The following PRDX4 variants were observed in gnomAD, a reference collection of about 807,000 sequenced individuals.
PRDX4 encodes the protein peroxiredoxin-4.
In PRDX4, 12 loss-of-function variants were observed where a neutral mutation model predicts 20.5. That is an observed-to-expected ratio of 0.58 (90% CI 0.37 to 0.95). The LOEUF is 0.95. Among genes scored for constraint, PRDX4 ranks in the 40% least tolerant of loss-of-function variants. The pLI is 0.01. For synonymous variants in PRDX4, 99 were observed against 87.5 expected, an observed-to-expected ratio of 1.13 and a Z score of -0.73; for missense variants, 180 against 207.3, an observed-to-expected ratio of 0.87 and a Z score of 0.81.
intron 6 of PRDX4, among the ~76,000 whole-genome samples, chrX:23,685,678 C>G (rs1343298144): frequency 9.6e-6 from 1 of 104,364 alleles, no homozygotes; most frequent in East Asian, 3.0e-4. Flanking sequence ...TAGCAAATAA[C>G]ATAATGTGAG....
At chrX:23,677,235 G>A (rs187208123) in intron 3 of PRDX4, among the ~76,000 whole-genome samples, 17 of 111,418 alleles carry the variant, frequency 1.5e-4, no homozygotes, top group African/African-American at 4.9e-4. Context: ...TGGGGCTCCA[G>A]ATATCTAGAG....
intron 4 of PRDX4, among the ~76,000 whole-genome samples, chrX:23,681,990 G>A (rs749900810): frequency 1.8e-5 from 2 of 112,170 alleles, no homozygotes; most frequent in South Asian, 3.7e-4. Flanking sequence ...GCAGTGAGCC[G>A]AGATCATGCC....
intron 1 of PRDX4, 95 bp downstream of exon 1, chrX:23,667,906 TG>T: frequency 8.8e-7 from 1 of 1,136,471 alleles, no homozygotes; most frequent in African/African-American, 1.8e-5. Flanking sequence ...CGGCACCCCC[TG>T]GGCTGCCTCC....
intron 5 of PRDX4, 82 bp downstream of exon 5, chrX:23,682,608 A>C (rs1406455674): frequency 1.3e-6 from 1 of 796,868 alleles, no homozygotes; most frequent in African/African-American, 2.2e-5. Context: ...AAAGTAATCG[A>C]TATTTCCAAA....
At chrX:23,668,309 T>G (rs766161704) in intron 1 of PRDX4, among the ~76,000 whole-genome samples, 8 of 112,529 alleles carry the variant, frequency 7.1e-5, no homozygotes, top group Non-Finnish European at 1.1e-4. Context: ...ACAAAGATTA[T>G]TACTGAAAGC....
Position 23,667,799 on chromosome X carries a change from A to C in PRDX4, c.229A>C (p.Ser77Arg). The C allele has an allele frequency of 8.3e-7, 1 of 1,210,932 alleles. No individual in the cohort carries two copies. The part of the protein sequence containing the change: ...VSVADHSLHL[S>R]KAKISKPAPY... The stretch of plus-strand genomic sequence containing the variant: ...GGTCGCCGACCACTCCCTGCACCTA[A>C]GCAAAGCGAAGAGTAGGTGGTGTCC... The change falls in exon 1 of 7, where the codon AGC becomes CGC. Residue 77 changes from serine to arginine, a missense_variant. This residue lies in a region of PRDX4 where 105 missense variants were observed against 114.2 expected (regional missense o/e 0.92). Transcript: ENST00000379341.
chrX:23,668,865 T>C (rs1335456248), intron 1 of PRDX4, among the ~76,000 whole-genome samples: 5 of 111,189 alleles, frequency 4.5e-5, no homozygotes, highest in African/African-American at 1.6e-4. Flanking sequence ...TCTTAAACAT[T>C]TACAGTTCTT....
intron 4 of PRDX4, among the ~76,000 whole-genome samples, chrX:23,680,003 G>GAAAT (rs967720875): frequency 8.9e-6 from 1 of 112,189 alleles, no homozygotes; most frequent in Non-Finnish European, 1.9e-5. Flanking sequence ...AAGAAAGAAA[G>GAAAT]AAAAATGTTA....
chrX:23,686,197 T>G, intron 6 of PRDX4, 88 bp from the exon 7 acceptor site: 1 of 670,728 alleles, frequency 1.5e-6, no homozygotes, highest in Non-Finnish European at 2.2e-6. Context: ...TAATTTTTAG[T>G]CAAGGCATGG....
In PRDX4 at chrX:23,679,214, C is replaced by G. The variant is rs1424323616; in HGVS notation, c.526C>G (p.Leu176Val). Reference protein sequence around the residue: ...QGGLGPIRIPLLSDLTHQISK... With the variant: ...QGGLGPIRIPVLSDLTHQISK... ...AGGACTTGGGCCAATAAGGATTCCA[C>G]TTCTTTCAGATTTGACCCATCAGAT... Residue 176 changes from leucine (L) to valine (V), a missense_variant, in exon 4 of 7, where the codon CTT (leucine) becomes GTT (valine). By Grantham distance (32) the Leu-to-Val change is conservative. This residue lies in a region of PRDX4 where 73 missense variants were observed against 76.5 expected (regional missense o/e 0.95). Coordinates refer to ENST00000379341, the MANE Select transcript of PRDX4 (RefSeq NM_006406.2). The G allele has an allele frequency of 8.3e-7, 1 of 1,207,457 alleles. No homozygotes were observed. Among genetic ancestry groups the G allele is most frequent in the Non-Finnish European group, 1.1e-6 (1 of 891,783 alleles).
At chrX:23,670,006 T>G (rs1327232210) in intron 1 of PRDX4, among the ~76,000 whole-genome samples, 1 of 111,500 alleles carries the variant, frequency 9.0e-6, no homozygotes, top group Non-Finnish European at 1.9e-5. Flanking sequence ...ATGGGAGTTA[T>G]GGAGAGAGAG....
chrX:23,669,842 G>C (rs942902989), intron 1 of PRDX4, among the ~76,000 whole-genome samples: 1 of 109,623 alleles, frequency 9.1e-6, no homozygotes, highest in Admixed American at 9.8e-5. Context: ...CCTTGAACCC[G>C]GGAGGCGGAA....
intron 4 of PRDX4, among the ~76,000 whole-genome samples, chrX:23,680,737 A>G (rs1282673305): frequency 9.1e-6 from 1 of 109,351 alleles, no homozygotes; most frequent in Non-Finnish European, 1.9e-5. Context: ...TACAAAAAAA[A>G]AAAAATAATT....
At chrX:23,670,847 C>T (rs780500805) in intron 1 of PRDX4, among the ~76,000 whole-genome samples, 15 of 111,903 alleles carry the variant, frequency 1.3e-4, no homozygotes, top group Non-Finnish European at 2.4e-4. Flanking sequence ...GCCTCATCTG[C>T]AGCAGGTCCT....
rs752268305 is a variant in PRDX4, at chrX:23,686,366, A to C, written c.*31A>C. 9.2e-6 allele frequency: 10 copies of C among 1,091,759 alleles called. No homozygotes were observed. The highest frequency in any genetic ancestry group is 1.2e-5 in the Non-Finnish European group (10 of 805,225). 90.0% of individuals were successfully genotyped at this position (1,091,759 alleles called of 1,213,427 possible). A position where few individuals can be genotyped will look rare whatever the true frequency, so the allele number is the denominator to read the frequency against. ...ACTTCTTCAAGTTATGATGCTTGAAAGTTCTCAATAAAGTTCACGGTTTCA... is the reference window on the plus strand; with the variant it reads ...ACTTCTTCAAGTTATGATGCTTGAACGTTCTCAATAAAGTTCACGGTTTCA... On this transcript the variant is annotated 3_prime_UTR_variant, in exon 7 of 7. Transcript: ENST00000379341.
In PRDX4 at chrX:23,680,589, C is replaced by T. The variant is rs778608948; in HGVS notation, c.599+1302C>T. 6.3e-5 allele frequency among the ~76,000 whole-genome samples: 7 copies of T among 110,828 alleles called. No individual in the cohort carries two copies. In the East Asian group the frequency reaches 2.0e-3, roughly 31 times the overall value. On this transcript the variant is annotated intron_variant, in intron 4 of 6. Transcript: ENST00000379341. Reference sequence around the variant, plus strand: ...ATATAGTTCACATATAATACAATACCCATTTAAAGAATACAATTCAGCTGG... The same window carrying T: ...ATATAGTTCACATATAATACAATACTCATTTAAAGAATACAATTCAGCTGG...
intron 5 of PRDX4, among the ~76,000 whole-genome samples, chrX:23,683,334 T>C (rs758471878): frequency 9.0e-6 from 1 of 111,729 alleles, no homozygotes; most frequent in African/African-American, 3.2e-5. Flanking sequence ...TTTATGTAAA[T>C]TTGGAGGAAT....
intron 4 of PRDX4, among the ~76,000 whole-genome samples, chrX:23,681,239 A>G (rs868611248): frequency 9.7e-6 from 1 of 103,244 alleles, no homozygotes; most frequent in Admixed American, 1.1e-4. Flanking sequence ...TCAAAAAAAA[A>G]TAAATAAATA....
Position 23,667,714 on chromosome X carries a change from A to G in PRDX4, c.144A>G (p.Glu48=). The change falls in exon 1 of 7, where the codon GAA becomes GAG. Residue 48 remains glutamate (E), a synonymous_variant. Coordinates refer to ENST00000379341, the MANE Select transcript of PRDX4 (RefSeq NM_006406.2). ...WETEERPRTR[E]EECHFYAGGQ... ...CAGAGGAGAGGCCCCGGACTCGCGA[A>G]GAGGAGTGCCACTTCTACGCGGGTG... The G allele has an allele frequency of 8.3e-7, 1 of 1,211,773 alleles. No homozygotes were observed. Among genetic ancestry groups the G allele is most frequent in the Non-Finnish European group, 1.1e-6 (1 of 895,441 alleles).
Sources: gnomAD v4.1 joint callset for allele counts (sites outside exome capture counted in the v4.1 genomes callset) on GRCh38, gnomAD v4.1.1 for gene constraint, gnomAD v4.1.1 regional missense constraint, MANE v1.5 for transcripts, NCBI Gene and HGNC (gene_info 2026-07-23, HGNC 2026-07-21) for gene names.